Variants in CLTB observed in about 807,000 individuals in gnomAD.
The protein encoded by CLTB is clathrin light chain B.
CLTB carries 10 observed loss-of-function variants against 30.5 expected under a neutral mutation model. The ratio of observed to expected loss-of-function variants is 0.33; its 90% CI spans 0.20 to 0.56. The LOEUF is 0.56. Among genes scored for constraint, CLTB ranks in the 20% least tolerant of loss-of-function variants. The pLI is 0.91. For missense variants in CLTB, 261 were observed against 308.3 expected (o/e 0.85, Z 1.15); for synonymous variants, 102 against 120.3 (o/e 0.85, Z 1.00).
At chr5:176,394,434 G>T (rs1756396580) in intron 5 of CLTB, among the ~76,000 whole-genome samples, 1 of 152,348 alleles carries the variant, frequency 6.6e-6, no homozygotes, top group African/African-American at 2.4e-5. Context: ...CACTTTGGGA[G>T]GCAGAGGCGG....
intron 5 of CLTB, among the ~76,000 whole-genome samples, chr5:176,394,627 A>G (rs539300073): frequency 1.3e-5 from 2 of 150,072 alleles, no homozygotes; most frequent in Non-Finnish European, 3.0e-5. Flanking sequence ...ATCCTGGCTA[A>G]CACGGTGAAA....
Position 176,410,447 on chromosome 5 carries a change from A to G in CLTB, c.188-144T>C, listed in dbSNP as rs151321453. ...ATGCAAACAGACATAATGGATATATATATAACTTAGGCTCAATCCCACCCC... is the reference window on the plus strand; with the variant it reads ...ATGCAAACAGACATAATGGATATATGTATAACTTAGGCTCAATCCCACCCC... On this transcript the variant is annotated intron_variant, in intron 1 of 5. Transcript: ENST00000310418. 5.8e-5 allele frequency: 37 copies of G among 635,016 alleles called. 1 individual carries two copies. The highest frequency in any genetic ancestry group is 5.5e-4 in the African/African-American group (30 of 54,834). 39.3% of individuals were successfully genotyped at this position (635,016 alleles called of 1,614,324 possible).
At chr5:176,403,746 C>T (rs140572469) in intron 2 of CLTB, among the ~76,000 whole-genome samples, 372 of 151,236 alleles carry the variant, frequency 2.5e-3, no homozygotes, top group Middle Eastern at 0.014. Context: ...GCCACGGTGC[C>T]CGGCCTGTTT....
At chr5:176,404,931 C>T (rs1196432798) in intron 2 of CLTB, among the ~76,000 whole-genome samples, 1 of 152,180 alleles carries the variant, frequency 6.6e-6, no homozygotes, top group East Asian at 1.9e-4. Context: ...CAGGCTCTGG[C>T]GCCTGATCCT....
intron 4 of CLTB, among the ~76,000 whole-genome samples, chr5:176,397,298 C>T (rs1756571103): frequency 6.6e-6 from 1 of 151,578 alleles, no homozygotes; most frequent in South Asian, 2.1e-4. Flanking sequence ...TCAGTCATGT[C>T]CCCACAGCCC....
intron 5 of CLTB, among the ~76,000 whole-genome samples, chr5:176,394,641 C>T (rs376441969): frequency 2.2e-4 from 28 of 127,968 alleles, no homozygotes; most frequent in Middle Eastern, 4.4e-3. Flanking sequence ...GGTGAAACCC[C>T]GTCTCTACTA....
chr5:176,402,291 C>T (rs181956809), intron 2 of CLTB, among the ~76,000 whole-genome samples: 1 of 152,320 alleles, frequency 6.6e-6, no homozygotes, highest in Admixed American at 6.5e-5. Context: ...GAGCGAGACT[C>T]TGTCTCAAAA....
chr5:176,399,311 T>G (rs1030193170), intron 2 of CLTB, among the ~76,000 whole-genome samples: 4 of 152,212 alleles, frequency 2.6e-5, no homozygotes, highest in Admixed American at 6.5e-5. Flanking sequence ...AGCATGATCA[T>G]AGCTCAGATC....
intron 1 of CLTB, among the ~76,000 whole-genome samples, chr5:176,412,584 C>G (rs568591650): frequency 7.9e-5 from 12 of 152,202 alleles, no homozygotes; most frequent in Non-Finnish European, 1.3e-4. Flanking sequence ...ACAAATAGCC[C>G]TTCACCAGCC....
At chr5:176,407,179 G>A (rs1032652364) in intron 2 of CLTB, among the ~76,000 whole-genome samples, 1 of 152,174 alleles carries the variant, frequency 6.6e-6, no homozygotes, top group African/African-American at 2.4e-5. Context: ...AAGGCGGGGG[G>A]CCAAGTCAAA....
Position 176,393,042 on chromosome 5 carries a change from G to C in CLTB, c.519-97C>G, listed in dbSNP as rs1756329182. On this transcript the variant is annotated intron_variant, in intron 5 of 5. Transcript: ENST00000310418. The surrounding 1 kb of genome is among the most constrained non-coding windows in gnomAD (Gnocchi z 4.4). ...TTTGCCCAGCCTACTCTGGGGCACTGTGTCCTCCCCAGCCTTGTGCCCCCC... is the reference window on the plus strand; with the variant it reads ...TTTGCCCAGCCTACTCTGGGGCACTCTGTCCTCCCCAGCCTTGTGCCCCCC... The C allele has an allele frequency of 7.4e-7, 1 of 1,353,110 alleles. No homozygotes were observed. The highest frequency in any genetic ancestry group is 1.4e-5 in the African/African-American group (1 of 69,528). 83.8% of individuals were successfully genotyped at this position (1,353,110 alleles called of 1,614,324 possible).
At chr5:176,412,971 C>A (rs1016320237) in intron 1 of CLTB, among the ~76,000 whole-genome samples, 1 of 151,338 alleles carries the variant, frequency 6.6e-6, no homozygotes, top group African/African-American at 2.4e-5. Flanking sequence ...CCGCCCTGAC[C>A]AACCCCAGTC....
chr5:176,405,508 A>G (rs1561797198), intron 2 of CLTB: 1 of 149,432 alleles, frequency 6.7e-6, no homozygotes, highest in Non-Finnish European at 1.5e-5. Context: ...AAAAAAAAAA[A>G]GAAAAAGAAA....
chr5:176,399,852 T>C (rs1254038009), intron 2 of CLTB, among the ~76,000 whole-genome samples: 5 of 147,718 alleles, frequency 3.4e-5, no homozygotes, highest in African/African-American at 1.2e-4. Flanking sequence ...CACTCCAGCC[T>C]GGGCCACAGA....
chr5:176,410,667 G>C (rs775810057), intron 1 of CLTB, among the ~76,000 whole-genome samples: 28 of 151,720 alleles, frequency 1.8e-4, no homozygotes, highest in Non-Finnish European at 3.7e-4. Flanking sequence ...GGAATGGCCA[G>C]ATTACCTGTG....
At chr5:176,414,733 T>C (rs1561803318) in intron 1 of CLTB, among the ~76,000 whole-genome samples, 1 of 152,194 alleles carries the variant, frequency 6.6e-6, no homozygotes, top group Non-Finnish European at 1.5e-5. Context: ...TTCCTGGCTG[T>C]GTGACTCTGG....
In CLTB at chr5:176,392,539, C is replaced by T. The variant is rs552685865; in HGVS notation, c.*235G>A. Reference sequence around the variant, plus strand: ...CTTTAAGCCAAGAAAAAAAATACATCAGGAGGGACAGTCACAATTGAGTAG... The same window carrying T: ...CTTTAAGCCAAGAAAAAAAATACATTAGGAGGGACAGTCACAATTGAGTAG... On this transcript the variant is annotated 3_prime_UTR_variant, in exon 6 of 6. Transcript: ENST00000310418. This position sits in a 1 kb window ranked among gnomAD's most constrained non-coding sequence, Gnocchi z 5.2. 14 of 531,982 alleles carry T rather than the reference C, an allele frequency of 2.6e-5. No homozygotes were observed. The South Asian group carries it at 3.5e-4, about 13-fold the overall frequency. 33.0% of individuals were successfully genotyped at this position (531,982 alleles called of 1,614,324 possible).
intron 2 of CLTB, 138 bp from the exon 3 acceptor site, chr5:176,398,185 C>G (rs1756646438): frequency 1.4e-6 from 1 of 718,954 alleles, no homozygotes; most frequent in Admixed American, 2.2e-5. Context: ...GTGACTACAC[C>G]TATCTTTGCA....
At chr5:176,408,417 T>C (rs912428987) in intron 2 of CLTB, among the ~76,000 whole-genome samples, 2 of 151,616 alleles carry the variant, frequency 1.3e-5, no homozygotes, top group Non-Finnish European at 2.9e-5. Context: ...GTGCCTGTAA[T>C]CCCAGCTACT....
Sources: gnomAD v4.1 joint callset for allele counts (sites outside exome capture counted in the v4.1 genomes callset) on GRCh38, gnomAD v4.1.1 for gene constraint, Gnocchi (gnomAD v3.1) non-coding constraint, MANE v1.5 for transcripts, NCBI Gene and HGNC (gene_info 2026-07-23, HGNC 2026-07-21) for gene names.